The following DRC8 variants were observed in gnomAD, a reference collection of about 807,000 sequenced individuals.
DRC8 encodes the protein dynein regulatory complex protein 8.
At chr1:244,970,347 C>A in the DRC8 span, 2 of 1,521,516 alleles carry the variant, frequency 1.3e-6, no homozygotes, top group Non-Finnish European at 1.8e-6. Flanking sequence ...CGCCGCGGGG[C>A]GCTGAGCAGG....
chr1:245,055,506 A>G, the DRC8 span, among the ~76,000 whole-genome samples: 1 of 151,952 alleles, frequency 6.6e-6, no homozygotes, highest in African/African-American at 2.4e-5. Context: ...TTTTTTGTAG[A>G]CATGGCAGTC....
At chr1:245,049,832 CTG>C in the DRC8 span, among the ~76,000 whole-genome samples, 2 of 152,144 alleles carry the variant, frequency 1.3e-5, no homozygotes, top group Non-Finnish European at 2.9e-5. This position sits in a 1 kb window ranked among gnomAD's most constrained non-coding sequence, Gnocchi z 4.5. Context: ...GAGAGCTAGG[CTG>C]TGTGTGTGAA....
At chr1:245,113,762 C>T in the DRC8 span, among the ~76,000 whole-genome samples, 8 of 152,142 alleles carry the variant, frequency 5.3e-5, no homozygotes, top group Non-Finnish European at 8.8e-5. Flanking sequence ...CGACACTTTA[C>T]GCGCTTTATC....
chr1:245,119,381 G>T, the DRC8 span, among the ~76,000 whole-genome samples: 1 of 151,498 alleles, frequency 6.6e-6, no homozygotes, highest in Admixed American at 6.6e-5. Flanking sequence ...ACCATTAAGG[G>T]TAAAGAACTG....
the DRC8 span, among the ~76,000 whole-genome samples, chr1:244,981,732 G>A: frequency 3.3e-5 from 5 of 152,136 alleles, no homozygotes; most frequent in African/African-American, 9.7e-5. Flanking sequence ...AGTCTTAGGC[G>A]GTCCCTCACA....
At chr1:245,034,861 T>G in the DRC8 span, among the ~76,000 whole-genome samples, 2 of 15,576 alleles carry the variant, frequency 1.3e-4, no homozygotes, top group South Asian at 6.1e-3. Context: ...TAAATGAAAG[T>G]TTTTTTTTTT....
chr1:245,070,224 T>C, the DRC8 span, among the ~76,000 whole-genome samples: 1 of 152,202 alleles, frequency 6.6e-6, no homozygotes, highest in Non-Finnish European at 1.5e-5. Context: ...ATATTTTCCA[T>C]GCCAATATTC....
chr1:245,100,188 C>G, the DRC8 span, among the ~76,000 whole-genome samples: 219 of 152,194 alleles, frequency 1.4e-3, no homozygotes, highest in African/African-American at 4.9e-3. Context: ...AGTTCGAGAC[C>G]AGCCTGACCA....
chr1:245,117,611 T>C, the DRC8 span, among the ~76,000 whole-genome samples: 1 of 149,768 alleles, frequency 6.7e-6, no homozygotes, highest in Non-Finnish European at 1.5e-5. Flanking sequence ...TTAGTAGAGA[T>C]GAAGTTTCAC....
the DRC8 span, among the ~76,000 whole-genome samples, chr1:245,051,606 C>T: frequency 4.0e-5 from 6 of 151,824 alleles, no homozygotes; most frequent in Non-Finnish European, 5.9e-5. Flanking sequence ...GTGGATGTTG[C>T]GAAATGAAGC....
chr1:245,037,470 A>T, the DRC8 span, among the ~76,000 whole-genome samples: 1 of 152,342 alleles, frequency 6.6e-6, no homozygotes, highest in African/African-American at 2.4e-5. Flanking sequence ...TAAGGACATG[A>T]TTTCTTAGCA....
chr1:245,108,298 A>G, the DRC8 span, among the ~76,000 whole-genome samples: 2 of 152,122 alleles, frequency 1.3e-5, no homozygotes, highest in Non-Finnish European at 2.9e-5. Context: ...CGACATGCCC[A>G]TTGCCAATCC....
the DRC8 span, among the ~76,000 whole-genome samples, chr1:245,084,065 C>CCG: frequency 1.7e-5 from 2 of 116,198 alleles, no homozygotes; most frequent in Non-Finnish European, 1.8e-5. Flanking sequence ...AAATTCCGCC[C>CCG]CCCCCCCGGC....
chr1:245,105,104 G>C, the DRC8 span, among the ~76,000 whole-genome samples: 1 of 152,132 alleles, frequency 6.6e-6, no homozygotes, highest in East Asian at 1.9e-4. Context: ...CTAGAGGCTC[G>C]ATCAATGTCA....
At chr1:245,005,896 T>C in the DRC8 span, among the ~76,000 whole-genome samples, 2 of 152,024 alleles carry the variant, frequency 1.3e-5, no homozygotes, top group Non-Finnish European at 2.9e-5. Context: ...AGGAGAGCAA[T>C]ATTCCAGGCA....
At chr1:245,102,630 G>A in the DRC8 span, among the ~76,000 whole-genome samples, 1 of 151,866 alleles carries the variant, frequency 6.6e-6, no homozygotes, top group African/African-American at 2.4e-5. Context: ...GATTACAGGC[G>A]TCAGCCACTG....
chr1:245,049,654 C>T, the DRC8 span, among the ~76,000 whole-genome samples: 2 of 152,180 alleles, frequency 1.3e-5, no homozygotes, highest in Non-Finnish European at 2.9e-5. The surrounding 1 kb of genome is among the most constrained non-coding windows in gnomAD (Gnocchi z 4.5). Context: ...CCAAATTTGT[C>T]ACTTGGGTCA....
the DRC8 span, among the ~76,000 whole-genome samples, chr1:245,100,821 T>A: frequency 7.4e-5 from 3 of 40,420 alleles, no homozygotes; most frequent in East Asian, 1.8e-3. Flanking sequence ...TAATAAATAC[T>A]TCACAGTTTG....
At chr1:245,053,332 G>A in the DRC8 span, among the ~76,000 whole-genome samples, 1 of 152,208 alleles carries the variant, frequency 6.6e-6, no homozygotes, top group Non-Finnish European at 1.5e-5. Flanking sequence ...AGTCTCTGGG[G>A]GAAACTGGAG....
Sources: gnomAD v4.1 joint callset for allele counts (sites outside exome capture counted in the v4.1 genomes callset) on GRCh38, gnomAD v4.1.1 for gene constraint, Gnocchi (gnomAD v3.1) non-coding constraint, MANE v1.5 for transcripts, NCBI Gene and HGNC (gene_info 2026-07-23, HGNC 2026-07-21) for gene names.